The following KIFC3 variants were observed in gnomAD, a reference collection of about 807,000 sequenced individuals.
KIFC3 encodes kinesin family member C3, also known as kinesin-like protein KIFC3.
In KIFC3, 60 loss-of-function variants were observed where a neutral mutation model predicts 101.8. The ratio of observed to expected loss-of-function variants is 0.59; its 90% CI spans 0.48 to 0.73. The LOEUF is 0.73. Among genes scored for constraint, KIFC3 ranks in the 30% least tolerant of loss-of-function variants. The pLI, the probability that KIFC3 is intolerant of heterozygous loss-of-function variation, is 0.00. For missense variants in KIFC3, 966 were observed against 1,137.1 expected (o/e 0.85, Z 2.16); for synonymous variants, 476 against 482.7 (o/e 0.99, Z 0.18).
At chr16:57,785,458 A>G (rs969030571) in intron 3 of KIFC3, 15 of 1,282,978 alleles carry the variant, frequency 1.2e-5, no homozygotes, top group Non-Finnish European at 1.4e-5. Context: ...CAGCCTCCCC[A>G]GGTACCTGGT....
Position 57,823,216 on chromosome 16 carries a change from T to A in KIFC3, c.109-24934A>T, listed in dbSNP as rs114781649. Reference sequence around the variant, plus strand: ...CCCTTATCATAACTCAGACATTTCTTCCTATTGATAATAACTCTTTCAACC... The same window carrying A: ...CCCTTATCATAACTCAGACATTTCTACCTATTGATAATAACTCTTTCAACC... On this transcript the variant is annotated intron_variant, in intron 1 of 2. Transcript: ENST00000563028. 7.0e-3 allele frequency among the ~76,000 whole-genome samples: 1,068 copies of A among 152,306 alleles called. 8 individuals carry two copies. Among genetic ancestry groups the A allele is most frequent in the African/African-American group, 0.024 (1,017 of 41,568 alleles).
chr16:57,798,453 G>A lies in KIFC3; in HGVS notation c.-39-171C>T, dbSNP rs972669186. ...GACCCTAGGGCTCGCAGGATGAAATGGGGCCTGCTGCCTTTTGGGGGTATT... is the reference window on the plus strand; with the variant it reads ...GACCCTAGGGCTCGCAGGATGAAATAGGGCCTGCTGCCTTTTGGGGGTATT... On this transcript the variant is annotated intron_variant, in intron 1 of 19. Coordinates refer to ENST00000445690, the MANE Select transcript of KIFC3 (RefSeq NM_001130100.2). 2.4e-5 allele frequency: 15 copies of A among 633,264 alleles called. No individual in the cohort carries two copies. In the African/African-American group the frequency reaches 2.7e-4, roughly 11 times the overall value. The allele number at this position is 633,264 out of a possible 1,614,324, so 39.2% of individuals were successfully genotyped here.
In KIFC3 at chr16:57,769,610, C is replaced by T. The variant is rs2050904169; in HGVS notation, c.1203G>A (p.Arg401=). 6.8e-6 allele frequency: 11 copies of T among 1,610,816 alleles called. No individual in the cohort carries two copies. The highest frequency in any genetic ancestry group is 9.3e-6 in the Non-Finnish European group (11 of 1,179,920). ...CCTCGCTCACCTCGGCCTTGACACT[C>T]CTGAGGGCCTCCTGCAGCAGCAGTG... The part of the protein sequence containing the change: ...GFPLLLQEAL[R]SVKAEIGQAI... Residue 401 remains arginine, a synonymous_variant, in exon 9 of 20, where the codon AGG becomes AGA. Transcript: ENST00000445690. This position sits in a 1 kb window ranked among gnomAD's most constrained non-coding sequence, Gnocchi z 4.3.
intron 1 of KIFC3, among the ~76,000 whole-genome samples, chr16:57,845,366 G>A (rs773446936): frequency 6.6e-6 from 1 of 152,158 alleles, no homozygotes; most frequent in Non-Finnish European, 1.5e-5. Flanking sequence ...CGGCCTGACT[G>A]ATCTTGTTAA....
intron 3 of KIFC3, chr16:57,775,120 G>A (rs1339281515): frequency 2.1e-6 from 3 of 1,400,190 alleles, no homozygotes; most frequent in African/African-American, 2.9e-5. Context: ...TTCTGTCCTT[G>A]CATCACAATG....
chr16:57,786,952 C>T (rs2053392212), intron 3 of KIFC3, among the ~76,000 whole-genome samples: 1 of 152,226 alleles, frequency 6.6e-6, no homozygotes, highest in Admixed American at 6.5e-5. Context: ...GTCGGCTCTT[C>T]CCTCCTCCAC....
chr16:57,772,118 A>G (rs2965789), intron 4 of KIFC3, 105 bp downstream of exon 4: 735,257 of 913,870 alleles, frequency 0.8, 301,232 homozygotes, highest in Non-Finnish European at 0.85. Context: ...AGGGTGGGAT[A>G]TGCGGGCTCA....
At chr16:57,806,367 C>T (rs140208682), upstream of KIFC3, among the ~76,000 whole-genome samples, 1,329 of 152,212 alleles carry the variant, frequency 8.7e-3, 8 homozygotes, top group Non-Finnish European at 0.016. Context: ...CCTGCTTGTC[C>T]CTCCTTCAAG....
intron 1 of KIFC3, among the ~76,000 whole-genome samples, chr16:57,836,772 G>A (rs1052520700): frequency 6.6e-6 from 1 of 151,952 alleles, no homozygotes; most frequent in Non-Finnish European, 1.5e-5. Flanking sequence ...GCTCACTGCA[G>A]CCTCGAAGTC....
intron 2 of KIFC3, among the ~76,000 whole-genome samples, chr16:57,795,373 CTTCTGGAA>C (rs2054204596): frequency 6.6e-6 from 1 of 152,228 alleles, no homozygotes; most frequent in Admixed American, 6.5e-5. Flanking sequence ...CAAAGATTCT[CTTCTGGAA>C]GGGGCCCAAT....
chr16:57,774,881 A>G (rs2051832711), intron 3 of KIFC3: 7 of 1,406,356 alleles, frequency 5.0e-6, no homozygotes, highest in African/African-American at 1.5e-5. Context: ...ACCCTGACAT[A>G]AGTGAACTGA....
Position 57,802,358 on chromosome 16 carries a change from C to T in KIFC3, c.-40+12G>A. 3 of 980,676 alleles carry T rather than the reference C, an allele frequency of 3.1e-6. No homozygotes were observed. The highest frequency in any genetic ancestry group is 1.1e-4 in the East Asian group (1 of 8,712). 60.7% of individuals were successfully genotyped at this position (980,676 alleles called of 1,614,324 possible). ...CCCGCTCGCACCCAGCCCGCCCGGG[C>T]CCCCCACTCACCGGCCTGGCGGAGG... On this transcript the variant is annotated intron_variant, in intron 1 of 19. Coordinates refer to ENST00000445690, the MANE Select transcript of KIFC3 (RefSeq NM_001130100.2). The surrounding 1 kb of genome is among the most constrained non-coding windows in gnomAD (Gnocchi z 5.0).
intron 1 of KIFC3, among the ~76,000 whole-genome samples, chr16:57,825,946 A>G (rs921097620): frequency 2.0e-5 from 3 of 152,194 alleles, no homozygotes; most frequent in Non-Finnish European, 2.9e-5. Flanking sequence ...TGGTCTCCCA[A>G]AGTGCTGGGA....
At chr16:57,768,767 G>C (rs1289541683) in intron 9 of KIFC3, among the ~76,000 whole-genome samples, 1 of 152,164 alleles carries the variant, frequency 6.6e-6, no homozygotes, top group African/African-American at 2.4e-5. Flanking sequence ...AATTCAAGGA[G>C]CTAACGGCTA....
At chr16:57,808,119 C>T (rs1327051472), upstream of KIFC3, among the ~76,000 whole-genome samples, 11 of 152,020 alleles carry the variant, frequency 7.2e-5, no homozygotes, top group African/African-American at 2.4e-4. Flanking sequence ...AGGAATTTGG[C>T]GGAGATTCCC....
intron 1 of KIFC3, among the ~76,000 whole-genome samples, chr16:57,842,963 T>A (rs1266689282): frequency 1.3e-5 from 2 of 151,926 alleles, no homozygotes; most frequent in Non-Finnish European, 2.9e-5. Flanking sequence ...TGAAACCCCG[T>A]CTCTACTAAA....
intron 3 of KIFC3, chr16:57,788,849 G>T: frequency 1.3e-6 from 1 of 774,808 alleles, no homozygotes; most frequent in Non-Finnish European, 1.8e-6. Flanking sequence ...TTTGTGGGTG[G>T]GTGGGGACGT....
Position 57,813,676 on chromosome 16 carries a change from G to C in KIFC3, c.109-15394C>G, listed in dbSNP as rs1021682125. On this transcript the variant is annotated intron_variant, in intron 1 of 2. Transcript: ENST00000563028. ...ATGCTCTGAAGCAAACCTCCCACCTGGCATCCTGCGTGTGTCCAGCACCTC... is the reference window on the plus strand; with the variant it reads ...ATGCTCTGAAGCAAACCTCCCACCTCGCATCCTGCGTGTGTCCAGCACCTC... 15 of 985,118 alleles carry C rather than the reference G, an allele frequency of 1.5e-5. No homozygotes were observed. In the African/African-American group the frequency reaches 2.6e-4, roughly 17 times the overall value. 61.0% of individuals were successfully genotyped at this position (985,118 alleles called of 1,614,324 possible). A position where few individuals can be genotyped will look rare whatever the true frequency, so the allele number is the denominator to read the frequency against.
At chr16:57,840,818 C>G (rs957719243) in intron 1 of KIFC3, among the ~76,000 whole-genome samples, 6 of 152,018 alleles carry the variant, frequency 3.9e-5, no homozygotes, top group Non-Finnish European at 7.4e-5. Context: ...CCTCCTCACC[C>G]CAGCTGTCAC....
Sources: gnomAD v4.1 joint callset for allele counts (sites outside exome capture counted in the v4.1 genomes callset) on GRCh38, gnomAD v4.1.1 for gene constraint, Gnocchi (gnomAD v3.1) non-coding constraint, MANE v1.5 for transcripts, NCBI Gene and HGNC (gene_info 2026-07-23, HGNC 2026-07-21) for gene names.